EPHA6: variants seen among roughly 807,000 people sequenced by gnomAD.
EPHA6 encodes EPH receptor A6, also known as ephrin type-A receptor 6.
A neutral mutation model predicts 112.0 loss-of-function variants in EPHA6; 50 were observed. The observed-to-expected ratio is 0.45, with a 90% CI of 0.36 to 0.56. The LOEUF (loss-of-function observed/expected upper bound fraction) is 0.56, where lower values mean the gene tolerates loss of function less well. Among genes scored for constraint, EPHA6 ranks in the 20% least tolerant of loss-of-function variants. The pLI is 0.00. For synonymous variants in EPHA6, 529 were observed against 490.7 expected, an observed-to-expected ratio of 1.08 and a Z score of -1.03; for missense variants, 1,280 against 1,417.4, an observed-to-expected ratio of 0.90 and a Z score of 1.56.
intron 11 of EPHA6, among the ~76,000 whole-genome samples, chr3:97,538,977 CTCTCTCTTTCTTTCTTTCTTTCTT>C (rs2092800617): frequency 7.2e-6 from 1 of 138,100 alleles, no homozygotes; most frequent in African/African-American, 2.8e-5. Context: ...TGGACACTTT[CTCTCTCTTTCTTTCTTTCTTTCTT>C]TCTTTCTTTC....
chr3:97,020,404 C>A (rs1002617511), intron 3 of EPHA6, among the ~76,000 whole-genome samples: 1 of 152,066 alleles, frequency 6.6e-6, no homozygotes, highest in Non-Finnish European at 1.5e-5. Context: ...TAACTCTGGA[C>A]AAGTAAGAAA....
intron 3 of EPHA6, among the ~76,000 whole-genome samples, chr3:97,055,024 G>A (rs867274911): frequency 2.6e-5 from 4 of 151,800 alleles, no homozygotes; most frequent in South Asian, 4.2e-4. Flanking sequence ...CGTAGTAGTG[G>A]AATGGGAACT....
intron 1 of EPHA6, among the ~76,000 whole-genome samples, chr3:96,843,788 G>A (rs938815366): frequency 1.2e-4 from 18 of 151,844 alleles, no homozygotes; most frequent in African/African-American, 2.9e-4. Flanking sequence ...TTTATATGAC[G>A]CCTTAAAGAA....
chr3:97,101,186 A>T (rs2047392778), intron 3 of EPHA6, among the ~76,000 whole-genome samples: 1 of 152,066 alleles, frequency 6.6e-6, no homozygotes, highest in Non-Finnish European at 1.5e-5. Flanking sequence ...AGGAATAGGG[A>T]AAATGAATCC....
At chr3:97,555,315 A>C (rs1275596616) in intron 11 of EPHA6, among the ~76,000 whole-genome samples, 1 of 151,956 alleles carries the variant, frequency 6.6e-6, no homozygotes, top group Non-Finnish European at 1.5e-5. Flanking sequence ...ACATTTTCTT[A>C]ATCCAGTCTA....
chr3:96,950,135 G>A (rs892665103), intron 2 of EPHA6, among the ~76,000 whole-genome samples: 5 of 152,046 alleles, frequency 3.3e-5, no homozygotes, highest in African/African-American at 1.2e-4. Context: ...GAAACATGGT[G>A]TGTGTCACTT....
intron 10 of EPHA6, among the ~76,000 whole-genome samples, chr3:97,517,174 G>C (rs926529689): frequency 6.6e-6 from 1 of 152,082 alleles, no homozygotes; most frequent in Non-Finnish European, 1.5e-5. Flanking sequence ...ACCAAAAAGT[G>C]TTGTGTAGTA....
Position 97,656,698 on chromosome 3 carries a change from G to A in EPHA6, c.2784+18616G>A, listed in dbSNP as rs192336673. 3.8e-3 allele frequency among the ~76,000 whole-genome samples: 578 copies of A among 151,924 alleles called. 1 individual carries two copies. The highest frequency in any genetic ancestry group is 0.02 in the Middle Eastern group (6 of 294). On this transcript the variant is annotated intron_variant, in intron 14 of 17. Transcript: ENST00000389672. ...CCTTTGCAGTCATGATTTATTGCAG[G>A]AAAGCAAAAGAAAGCACTGAAAAAA...
In EPHA6 at chr3:97,751,600, AAC is replaced by A. The variant is rs1192600406; in HGVS notation, c.*2901_*2902del. 6.6e-6 allele frequency among the ~76,000 whole-genome samples: 1 copy of A among 152,156 alleles called. No homozygotes were observed. The highest frequency in any genetic ancestry group is 1.5e-5 in the Non-Finnish European group (1 of 67,980). On this transcript the variant is annotated 3_prime_UTR_variant, in exon 18 of 18. Coordinates refer to ENST00000389672, the MANE Select transcript of EPHA6 (RefSeq NM_001080448.3). The stretch of plus-strand genomic sequence containing the variant: ...GAATATTACAATATTCAGGAATATA[AAC>A]AGTTAAAATGCCAAATTCATCTGAA...
intron 14 of EPHA6, among the ~76,000 whole-genome samples, chr3:97,687,913 G>A (rs555896240): frequency 1.4e-4 from 22 of 152,260 alleles, no homozygotes; most frequent in African/African-American, 5.1e-4. Context: ...GGGCAAGAAT[G>A]CCAGAGTGAT....
chr3:97,672,593 A>T (rs925373447), intron 14 of EPHA6, among the ~76,000 whole-genome samples: 2 of 152,120 alleles, frequency 1.3e-5, no homozygotes, highest in South Asian at 4.2e-4. Context: ...GTCCTGTTGT[A>T]TTTCTACCCT....
chr3:97,146,329 C>T (rs1405769182), intron 3 of EPHA6, among the ~76,000 whole-genome samples: 1 of 151,810 alleles, frequency 6.6e-6, no homozygotes, highest in Non-Finnish European at 1.5e-5. Flanking sequence ...TCTGAGAGTT[C>T]CAAAAACAGC....
chr3:97,284,182 C>A (rs16838532), intron 5 of EPHA6, among the ~76,000 whole-genome samples: 11,971 of 152,018 alleles, frequency 0.079, 912 homozygotes, highest in Admixed American at 0.21. Context: ...ACATCATAAA[C>A]CTATTTTGCA....
chr3:96,906,426 C>G (rs1265862957), intron 2 of EPHA6, among the ~76,000 whole-genome samples: 3 of 152,166 alleles, frequency 2.0e-5, no homozygotes, highest in East Asian at 3.9e-4. Flanking sequence ...TCTTCATGCT[C>G]TAACACCTAC....
chr3:97,374,083 A>T (rs948668032), intron 5 of EPHA6, among the ~76,000 whole-genome samples: 1 of 152,130 alleles, frequency 6.6e-6, no homozygotes, highest in Non-Finnish European at 1.5e-5. Context: ...TCCTGTTTCT[A>T]TCAGTACTTC....
chr3:97,481,031 A>G, intron 9 of EPHA6: 1 of 385,056 alleles, frequency 2.6e-6, no homozygotes, highest in Non-Finnish European at 4.9e-6. Context: ...ATCCCAGATG[A>G]TGGGCGGCCA....
chr3:96,851,434 A>G (rs1217804483), intron 1 of EPHA6, among the ~76,000 whole-genome samples: 1 of 152,132 alleles, frequency 6.6e-6, no homozygotes, highest in African/African-American at 2.4e-5. Context: ...CGCCAAGGCT[A>G]CCATCATTTC....
chr3:97,441,251 A>G (rs909813409), intron 6 of EPHA6, among the ~76,000 whole-genome samples: 3 of 152,070 alleles, frequency 2.0e-5, no homozygotes, highest in Admixed American at 2.0e-4. Flanking sequence ...TAAAAATTCT[A>G]ATATATTATG....
intron 3 of EPHA6, among the ~76,000 whole-genome samples, chr3:97,163,859 C>T (rs1026899734): frequency 1.3e-5 from 2 of 152,198 alleles, no homozygotes; most frequent in African/African-American, 4.8e-5. Context: ...AGTGCCCTCA[C>T]TGTAACAGTA....
Sources: gnomAD v4.1 joint callset for allele counts (sites outside exome capture counted in the v4.1 genomes callset) on GRCh38, gnomAD v4.1.1 for gene constraint, MANE v1.5 for transcripts, NCBI Gene and HGNC (gene_info 2026-07-23, HGNC 2026-07-21) for gene names.